VRK1: variants seen among roughly 807,000 people sequenced by gnomAD.
VRK1 encodes the protein serine/threonine-protein kinase VRK1.
A neutral mutation model predicts 57.1 loss-of-function variants in VRK1; 33 were observed. The observed-to-expected ratio is 0.58, with a 90% CI of 0.44 to 0.77. The LOEUF is 0.77. VRK1 is among the 30% of genes least tolerant of loss of function. The pLI, the probability that VRK1 is intolerant of heterozygous loss-of-function variation, is 0.00. For missense variants in VRK1, 413 were observed against 477.3 expected, an observed-to-expected ratio of 0.87 and a Z score of 1.25; for synonymous variants, 137 against 147.8, an observed-to-expected ratio of 0.93 and a Z score of 0.53.
intron 11 of VRK1, among the ~76,000 whole-genome samples, chr14:96,865,838 G>A (rs1888566034): frequency 6.6e-6 from 1 of 150,430 alleles, no homozygotes; most frequent in South Asian, 2.1e-4. Flanking sequence ...TGTTTGCTCT[G>A]TTTTTTACTA....
At chr14:96,854,506 G>A (rs185071701) in intron 7 of VRK1, among the ~76,000 whole-genome samples, 4 of 152,232 alleles carry the variant, frequency 2.6e-5, no homozygotes, top group African/African-American at 9.6e-5. Flanking sequence ...GAGATGTAAT[G>A]TGTGGCTATG....
At chr14:96,851,821 T>A (rs1249164564) in intron 5 of VRK1, among the ~76,000 whole-genome samples, 4 of 152,240 alleles carry the variant, frequency 2.6e-5, no homozygotes, top group African/African-American at 9.6e-5. Context: ...TAGAGTGATG[T>A]GAGGTTTAAA....
At chr14:96,862,442 G>A (rs1471264710) in intron 11 of VRK1, among the ~76,000 whole-genome samples, 1 of 150,716 alleles carries the variant, frequency 6.6e-6, no homozygotes, top group African/African-American at 2.4e-5. Flanking sequence ...ATTAATAAAA[G>A]TTAAGGTTAG....
rs142960184 is a variant in VRK1, at chr14:96,848,356, T to A, written c.374+1012T>A. On this transcript the variant is annotated intron_variant, in intron 5 of 12. Coordinates refer to ENST00000216639, the MANE Select transcript of VRK1 (RefSeq NM_003384.3). ...CAGACTTTCTCTCACGTTTTCTTGG[T>A]CAGAATTTTATCAATACTTAAACCA... Among the ~76,000 whole-genome samples, 440 of 152,280 alleles carry A rather than the reference T, an allele frequency of 2.9e-3. 3 individuals carry two copies. Among genetic ancestry groups the A allele is most frequent in the Non-Finnish European group, 4.1e-3 (279 of 68,028 alleles).
chr14:96,802,979 C>T (rs1885722402), intron 1 of VRK1, among the ~76,000 whole-genome samples: 2 of 151,980 alleles, frequency 1.3e-5, no homozygotes, highest in Non-Finnish European at 2.9e-5. Flanking sequence ...AACCTTGAGC[C>T]CTCTTATTCT....
At chr14:96,851,844 G>T (rs1227213533) in intron 5 of VRK1, among the ~76,000 whole-genome samples, 1 of 152,178 alleles carries the variant, frequency 6.6e-6, no homozygotes, top group African/African-American at 2.4e-5. Context: ...CATTAATAAC[G>T]TTTTAAGTAC....
chr14:96,821,214 A>T (rs1362407561), intron 1 of VRK1, among the ~76,000 whole-genome samples: 1 of 152,180 alleles, frequency 6.6e-6, no homozygotes, highest in African/African-American at 2.4e-5. Flanking sequence ...CCCCTAGCAC[A>T]GTTCCTGGCA....
At chr14:96,877,680 C>A in intron 12 of VRK1, 2 of 1,272,122 alleles carry the variant, frequency 1.6e-6, no homozygotes, top group South Asian at 1.3e-5. Context: ...AAAGATCCTG[C>A]ATTGTTCTAG....
At chr14:96,876,794 CA>C (rs1468748898) in intron 12 of VRK1, among the ~76,000 whole-genome samples, 2 of 144,822 alleles carry the variant, frequency 1.4e-5, no homozygotes, top group East Asian at 2.0e-4. Context: ...AAAAAAAACA[CA>C]AAAAAACAAA....
At chr14:96,873,121 T>G (rs972719521) in intron 11 of VRK1, among the ~76,000 whole-genome samples, 3 of 152,218 alleles carry the variant, frequency 2.0e-5, no homozygotes, top group Non-Finnish European at 4.4e-5. Flanking sequence ...GCCATGAATC[T>G]GATTGGCTTT....
At chr14:96,847,216 G>A (rs775622415) in intron 4 of VRK1, 41 bp from the exon 5 acceptor site, 27 of 1,526,028 alleles carry the variant, frequency 1.8e-5, no homozygotes, top group Middle Eastern at 1.7e-4. Flanking sequence ...TATCATTTAT[G>A]TATAACAATT....
intron 3 of VRK1, among the ~76,000 whole-genome samples, chr14:96,842,339 G>A (rs1183557833): frequency 6.6e-6 from 1 of 152,084 alleles, no homozygotes; most frequent in African/African-American, 2.4e-5. Flanking sequence ...CATGTAAAAT[G>A]AGCATCAGTT....
In VRK1 at chr14:96,832,940, A is replaced by G. The variant is rs749709262; in HGVS notation, c.-5-527A>G. On this transcript the variant is annotated intron_variant, in intron 1 of 12. Transcript: ENST00000216639. Reference sequence around the variant, plus strand: ...CCTTAGTTTCCTCGAAATGGAGGTGATAATGTAATCTTCACAGAGTCATGA... The same window carrying G: ...CCTTAGTTTCCTCGAAATGGAGGTGGTAATGTAATCTTCACAGAGTCATGA... Among the ~76,000 whole-genome samples the G allele has an allele frequency of 3.5e-4, 54 of 152,128 alleles. 1 individual carries two copies. Among genetic ancestry groups the G allele is most frequent in the Admixed American group, 6.6e-4 (10 of 15,266 alleles).
At chr14:96,849,448 T>TAA (rs113271477) in intron 5 of VRK1, among the ~76,000 whole-genome samples, 6 of 142,978 alleles carry the variant, frequency 4.2e-5, no homozygotes, top group African/African-American at 1.3e-4. Context: ...ATAAACGTCT[T>TAA]AAAAAAAAAA....
intron 3 of VRK1, among the ~76,000 whole-genome samples, chr14:96,840,419 C>T (rs557133866): frequency 6.6e-6 from 1 of 152,284 alleles, no homozygotes; most frequent in Non-Finnish European, 1.5e-5. Flanking sequence ...TGTCAAAGTG[C>T]TTTATTTCTC....
At chr14:96,851,155 T>A (rs75974793) in intron 5 of VRK1, among the ~76,000 whole-genome samples, 1 of 151,744 alleles carries the variant, frequency 6.6e-6, no homozygotes, top group East Asian at 1.9e-4. Context: ...TTTTTTTTTT[T>A]AATTGAGGTG....
Position 96,856,560 on chromosome 14 carries a change from A to T in VRK1, c.863A>T (p.Lys288Ile). 6.2e-7 allele frequency: 1 copy of T among 1,613,882 alleles called. No homozygotes were observed. The highest frequency in any genetic ancestry group is 8.5e-7 in the Non-Finnish European group (1 of 1,179,826). ...YRENIASLMD[K>I]CFPEKNKPGE... ...GAAAATATTGCAAGTTTGATGGACA[A>T]ATGTTTTCCTGAGAAAAACAAACCA... The change falls in exon 10 of 13, where the codon AAA becomes ATA. Residue 288 changes from lysine (K) to isoleucine (I), a missense_variant. By Grantham distance (102) the Lys-to-Ile change is moderately radical. Transcript: ENST00000216639.
At chr14:96,825,319 A>G (rs1474574490) in intron 1 of VRK1, among the ~76,000 whole-genome samples, 2 of 152,204 alleles carry the variant, frequency 1.3e-5, no homozygotes, top group Non-Finnish European at 2.9e-5. Flanking sequence ...TAGAGTTTTG[A>G]GGAAGAATAA....
chr14:96,845,213 T>TTG (rs1887632996), intron 3 of VRK1, among the ~76,000 whole-genome samples: 1 of 151,722 alleles, frequency 6.6e-6, no homozygotes, highest in Admixed American at 6.6e-5. Context: ...TTTAAAAACT[T>TTG]TTTTTAATTC....
Sources: gnomAD v4.1 joint callset for allele counts (sites outside exome capture counted in the v4.1 genomes callset) on GRCh38, gnomAD v4.1.1 for gene constraint, MANE v1.5 for transcripts, NCBI Gene and HGNC (gene_info 2026-07-23, HGNC 2026-07-21) for gene names.